The following RFX8 variants were observed in gnomAD, a reference collection of about 807,000 sequenced individuals.
RFX8 encodes regulatory factor X8.
In RFX8, 46 loss-of-function variants were observed where a neutral mutation model predicts 54.6. The ratio of observed to expected loss-of-function variants is 0.84; its 90% CI spans 0.67 to 1.08. The LOEUF (loss-of-function observed/expected upper bound fraction) is 1.08, where lower values mean the gene tolerates loss of function less well. Ranked by LOEUF, RFX8 falls within the 50% of genes least tolerant of loss-of-function variation. RFX8 has a pLI of 0.00. For missense variants in RFX8, 536 were observed against 562.3 expected, an observed-to-expected ratio of 0.95 and a Z score of 0.47; for synonymous variants, 192 against 209.5, an observed-to-expected ratio of 0.92 and a Z score of 0.72.
chr2:101,450,783 G>A, intron 2 of RFX8: 1 of 654,420 alleles, frequency 1.5e-6, no homozygotes, highest in Non-Finnish European at 2.6e-6. Context: ...TTCTTCTCCA[G>A]GTTTTAGCAT....
In RFX8 at chr2:101,446,072, G is replaced by T. The variant is rs968081390; in HGVS notation, c.72+20705C>A. The stretch of plus-strand genomic sequence containing the variant: ...AAATACACTTTTGTATGTTCTGAAC[G>T]TGGCATTGGCAGTGAAGTTATCCTT... On this transcript the variant is annotated intron_variant, in intron 2 of 11. Coordinates refer to ENST00000428343, the MANE Select transcript of RFX8 (RefSeq NM_001145664.2). 1.9e-4 allele frequency among the ~76,000 whole-genome samples: 29 copies of T among 151,736 alleles called. 1 individual carries two copies. The highest frequency in any genetic ancestry group is 7.4e-5 in the Non-Finnish European group (5 of 67,982).
At chr2:101,403,367 G>C (rs966061557) in intron 10 of RFX8, among the ~76,000 whole-genome samples, 1 of 152,188 alleles carries the variant, frequency 6.6e-6, no homozygotes. Context: ...AGGCCTTTGT[G>C]CTCCCAGAAA....
chr2:101,423,230 C>G (rs1228047197), intron 2 of RFX8, among the ~76,000 whole-genome samples: 1 of 146,116 alleles, frequency 6.8e-6, no homozygotes, highest in African/African-American at 2.5e-5. Flanking sequence ...TGCACTCTAG[C>G]CTTGGCGACA....
chr2:101,437,772 T>C (rs1177321107), intron 2 of RFX8, among the ~76,000 whole-genome samples: 1 of 61,932 alleles, frequency 1.6e-5, no homozygotes, highest in African/African-American at 4.8e-5. Context: ...GATCTTAAAT[T>C]TCCCAAGTTT....
At chr2:101,474,179 G>A (rs763076003) in intron 1 of RFX8, 2 of 625,110 alleles carry the variant, frequency 3.2e-6, no homozygotes, top group South Asian at 1.7e-5. Flanking sequence ...CCATCCCAGC[G>A]TCCCAGGCGC....
chr2:101,459,963 C>G (rs1007931621), intron 2 of RFX8, among the ~76,000 whole-genome samples: 1 of 152,172 alleles, frequency 6.6e-6, no homozygotes, highest in South Asian at 2.1e-4. Context: ...GCCCCACCCC[C>G]CACCTGGCCG....
chr2:101,443,239 C>T (rs1688196370), intron 2 of RFX8, among the ~76,000 whole-genome samples: 1 of 152,136 alleles, frequency 6.6e-6, no homozygotes, highest in Non-Finnish European at 1.5e-5. Context: ...CTCTTATCAC[C>T]ACCTTTCGGA....
At chr2:101,431,107 C>T (rs1416300520) in intron 2 of RFX8, among the ~76,000 whole-genome samples, 3 of 69,856 alleles carry the variant, frequency 4.3e-5, no homozygotes, top group Admixed American at 3.3e-4. Context: ...TCCATCCATT[C>T]ATTCATCCAT....
intron 2 of RFX8, among the ~76,000 whole-genome samples, chr2:101,436,278 G>A (rs1456771867): frequency 1.3e-5 from 2 of 152,164 alleles, no homozygotes; most frequent in South Asian, 2.1e-4. Flanking sequence ...GAGAGAAGTC[G>A]CCCCTTTGCT....
intron 2 of RFX8, among the ~76,000 whole-genome samples, chr2:101,452,046 T>C (rs956415088): frequency 1.4e-4 from 22 of 152,178 alleles, no homozygotes; most frequent in African/African-American, 3.6e-4. Context: ...TGAGCAACGA[T>C]TGCAGCATTG....
chr2:101,447,885 T>C (rs1283370669), intron 2 of RFX8, among the ~76,000 whole-genome samples: 2 of 152,240 alleles, frequency 1.3e-5, no homozygotes, highest in Non-Finnish European at 2.9e-5. Context: ...GTCTGGCTTA[T>C]TTAACTTAAC....
chr2:101,472,067 C>T (rs1212731803), intron 1 of RFX8, among the ~76,000 whole-genome samples: 1 of 152,232 alleles, frequency 6.6e-6, no homozygotes, highest in African/African-American at 2.4e-5. Context: ...TTGATGTTGA[C>T]GTTAAAACCA....
At position 101,464,270 on chromosome 2, in the gene RFX8, G is replaced by C. The variant is rs533556973; in HGVS notation, c.72+2507C>G. ...TCTAATTTCCACATTTCCTACAAAGGGGATGTAGTCCGTTTATAATCAGAA... is the reference window on the plus strand; with the variant it reads ...TCTAATTTCCACATTTCCTACAAAGCGGATGTAGTCCGTTTATAATCAGAA... On this transcript the variant is annotated intron_variant, in intron 2 of 11. Coordinates refer to ENST00000428343, the MANE Select transcript of RFX8 (RefSeq NM_001145664.2). 9.2e-5 allele frequency among the ~76,000 whole-genome samples: 14 copies of C among 152,248 alleles called. No homozygotes were observed. In the East Asian group the frequency reaches 2.3e-3, roughly 25 times the overall value.
At chr2:101,403,693 G>A (rs4851433) in intron 10 of RFX8, among the ~76,000 whole-genome samples, 148,458 of 152,234 alleles carry the variant, frequency 0.98, 72,542 homozygotes, top group Middle Eastern at 1. Context: ...AGACTGAGGC[G>A]GGAGAATCGC....
At chr2:101,424,030 A>C (rs1687021720) in intron 2 of RFX8, among the ~76,000 whole-genome samples, 1 of 152,172 alleles carries the variant, frequency 6.6e-6, no homozygotes, top group South Asian at 2.1e-4. Flanking sequence ...TACGCACACA[A>C]TATTATGAAG....
chr2:101,423,719 A>G (rs780459236), intron 2 of RFX8, among the ~76,000 whole-genome samples: 1 of 152,112 alleles, frequency 6.6e-6, no homozygotes, highest in Non-Finnish European at 1.5e-5. Flanking sequence ...TCCTGTCTAT[A>G]AGACATCTGA....
rs117526672 is a variant in RFX8 at position 101,438,347 on chromosome 2, A to C, written c.73-15875T>G. On this transcript the variant is annotated intron_variant, in intron 2 of 11. Coordinates refer to ENST00000428343, the MANE Select transcript of RFX8 (RefSeq NM_001145664.2). Reference sequence around the variant, plus strand: ...ACAGCTGAATAGTACTCCACTGTGTATATGTACCACATTTTCTTTATCCAT... The same window carrying C: ...ACAGCTGAATAGTACTCCACTGTGTCTATGTACCACATTTTCTTTATCCAT... Among the ~76,000 whole-genome samples, 380 of 152,312 alleles carry C rather than the reference A, an allele frequency of 2.5e-3. 12 individuals are homozygous for C. The East Asian group carries it at 0.056, about 22-fold the overall frequency.
In RFX8 at chr2:101,424,670, C is replaced by T. The variant is rs537165928; in HGVS notation, c.73-2198G>A. 4.7e-4 allele frequency among the ~76,000 whole-genome samples: 72 copies of T among 152,222 alleles called. 1 individual carries two copies. The highest frequency in any genetic ancestry group is 1.7e-3 in the South Asian group (8 of 4,826). ...AAGAAAATGTGGCACATATACACCA[C>T]GGAATACTATGCAGCCATAAAAAGG... On this transcript the variant is annotated intron_variant, in intron 2 of 11. Coordinates refer to ENST00000428343, the MANE Select transcript of RFX8 (RefSeq NM_001145664.2).
intron 2 of RFX8, among the ~76,000 whole-genome samples, chr2:101,460,316 CT>C (rs34630237): frequency 0.34 from 52,371 of 151,892 alleles, 9,698 homozygotes; most frequent in African/African-American, 0.44. Context: ...AATCACCTGT[CT>C]TTCTGCGTCG....
Sources: gnomAD v4.1 joint callset for allele counts (sites outside exome capture counted in the v4.1 genomes callset) on GRCh38, gnomAD v4.1.1 for gene constraint, MANE v1.5 for transcripts, NCBI Gene and HGNC (gene_info 2026-07-23, HGNC 2026-07-21) for gene names.